RAD51B: variants seen among roughly 807,000 people sequenced by gnomAD.
RAD51B encodes the protein DNA repair protein RAD51 homolog 2.
Under a neutral mutation model 42.2 loss-of-function variants are expected in RAD51B, and 38 were observed. The ratio of observed to expected loss-of-function variants is 0.90; its 90% CI spans 0.70 to 1.18. The LOEUF (loss-of-function observed/expected upper bound fraction) is 1.18, where lower values mean the gene tolerates loss of function less well. RAD51B is among the 50% of genes most tolerant of loss of function. The probability of loss-of-function intolerance (pLI) is 0.00; values close to 1 mark genes in which losing one functional copy is unlikely to be tolerated. For missense variants in RAD51B, 373 were observed against 400.7 expected (o/e 0.93, Z 0.59); for synonymous variants, 154 against 145.2 (o/e 1.06, Z -0.43).
chr14:68,318,642 A>G (rs1229475685), intron 8 of RAD51B, among the ~76,000 whole-genome samples: 1 of 152,182 alleles, frequency 6.6e-6, no homozygotes, highest in African/African-American at 2.4e-5. Flanking sequence ...GGCCTTGTTC[A>G]TGACATGGCG....
At chr14:67,988,477 GAAAT>G (rs888786546) in intron 7 of RAD51B, among the ~76,000 whole-genome samples, 4 of 151,888 alleles carry the variant, frequency 2.6e-5, no homozygotes, top group African/African-American at 9.7e-5. Context: ...AAGAAATAAA[GAAAT>G]AAATAAATAA....
intron 11 of RAD51B, among the ~76,000 whole-genome samples, chr14:68,653,323 G>A (rs541459059): frequency 1.3e-5 from 2 of 152,122 alleles, no homozygotes; most frequent in South Asian, 4.1e-4. Context: ...TGGGAATAGC[G>A]CACTATGAGC....
intron 4 of RAD51B, among the ~76,000 whole-genome samples, chr14:67,846,966 G>A (rs1290411911): frequency 2.0e-5 from 3 of 152,182 alleles, no homozygotes; most frequent in Non-Finnish European, 2.9e-5. Context: ...ACACCCTGGG[G>A]TCGTGGGGTC....
chr14:68,628,122 A>G (rs1892133429), intron 10 of RAD51B, among the ~76,000 whole-genome samples: 1 of 152,214 alleles, frequency 6.6e-6, no homozygotes, highest in Admixed American at 6.5e-5. Context: ...CATCTTCCAA[A>G]TGTCTTGGTT....
At chr14:68,395,643 T>C (rs17105522) in intron 8 of RAD51B, among the ~76,000 whole-genome samples, 3,434 of 152,300 alleles carry the variant, frequency 0.023, 54 homozygotes, top group South Asian at 0.045. Flanking sequence ...CCAGGGCTTC[T>C]GTGGATCTGG....
intron 4 of RAD51B, among the ~76,000 whole-genome samples, chr14:67,845,486 G>C (rs1387011065): frequency 6.6e-6 from 1 of 151,954 alleles, no homozygotes; most frequent in Non-Finnish European, 1.5e-5. Context: ...GGGGCAATAT[G>C]ATGAAACCCT....
chr14:68,509,889 C>CTT (rs1036275135), intron 10 of RAD51B, among the ~76,000 whole-genome samples: 16 of 152,260 alleles, frequency 1.1e-4, no homozygotes, highest in African/African-American at 3.6e-4. Flanking sequence ...CTTACCCCTG[C>CTT]TTTAGCTTAT....
chr14:68,564,093 C>A (rs538873964), intron 10 of RAD51B, among the ~76,000 whole-genome samples: 8 of 152,234 alleles, frequency 5.3e-5, no homozygotes, highest in Admixed American at 5.2e-4. Flanking sequence ...TTGCTCTGCC[C>A]GGTGTTTGGG....
At chr14:68,458,707 TTTATA>T (rs1331959456) in intron 9 of RAD51B, among the ~76,000 whole-genome samples, 1 of 150,050 alleles carries the variant, frequency 6.7e-6, no homozygotes, top group Non-Finnish European at 1.5e-5. Flanking sequence ...TATATTATTA[TTTATA>T]TTATATTTTT....
intron 7 of RAD51B, among the ~76,000 whole-genome samples, chr14:67,900,628 TACAC>T (rs1214068146): frequency 0.011 from 1,354 of 127,892 alleles, 22 homozygotes; most frequent in African/African-American, 0.038. Context: ...GTGTGTGTCA[TACAC>T]ACACACACAC....
At chr14:68,594,889 T>C (rs1179254303) in exon 11 of RAD51B, 2 of 1,097,036 alleles carry the variant, frequency 1.8e-6, no homozygotes, top group Non-Finnish European at 2.2e-6. Context: ...CACCATGGAG[T>C]ACATTTTCTC....
chr14:68,241,873 G>A (rs974802898), intron 7 of RAD51B, among the ~76,000 whole-genome samples: 5 of 152,074 alleles, frequency 3.3e-5, no homozygotes, highest in African/African-American at 1.2e-4. Context: ...GCAACCTTGG[G>A]CCTACACTCA....
At chr14:68,393,726 G>A (rs2083828649) in intron 8 of RAD51B, among the ~76,000 whole-genome samples, 1 of 152,188 alleles carries the variant, frequency 6.6e-6, no homozygotes, top group Non-Finnish European at 1.5e-5. Context: ...GGCAATGGAG[G>A]CCTAGCCCCA....
At chr14:68,431,068 T>G (rs2084991243) in intron 9 of RAD51B, among the ~76,000 whole-genome samples, 1 of 152,244 alleles carries the variant, frequency 6.6e-6, no homozygotes, top group Non-Finnish European at 1.5e-5. Context: ...GATTTTTGTA[T>G]GTTGAACCAG....
intron 10 of RAD51B, among the ~76,000 whole-genome samples, chr14:68,610,254 G>T (rs773843880): frequency 3.9e-5 from 6 of 152,122 alleles, no homozygotes; most frequent in Non-Finnish European, 8.8e-5. Context: ...CTGTCTCCCT[G>T]CATGTCTGGT....
At chr14:67,898,608 A>T (rs1012514873) in intron 7 of RAD51B, among the ~76,000 whole-genome samples, 6 of 152,254 alleles carry the variant, frequency 3.9e-5, no homozygotes, top group African/African-American at 1.2e-4. Context: ...GCACAGGTGG[A>T]AACTTTTAGA....
intron 7 of RAD51B, among the ~76,000 whole-genome samples, chr14:68,133,564 C>T (rs568342745): frequency 3.8e-4 from 58 of 152,168 alleles, no homozygotes; most frequent in African/African-American, 1.3e-3. Flanking sequence ...CTCCACTTCC[C>T]GGGTTCAAGC....
rs376458940 is a variant in RAD51B, at chr14:68,668,664, G to A, written c.*11+17808G>A. ...ATTCTGACTAAGGTAGAGCATAAAG[G>A]AATTATGATCCATGGCTCCCCTCTG... On this transcript the variant is annotated intron_variant, in intron 11 of 11. Transcript: ENST00000488612. 1.4e-4 allele frequency among the ~76,000 whole-genome samples: 21 copies of A among 152,332 alleles called. No homozygotes were observed. The East Asian group carries it at 3.5e-3, about 25-fold the overall frequency.
At chr14:68,673,487 A>T (rs1352399871) in intron 11 of RAD51B, among the ~76,000 whole-genome samples, 2 of 150,674 alleles carry the variant, frequency 1.3e-5, no homozygotes, top group Admixed American at 1.3e-4. Context: ...ACACACATGC[A>T]CATACTGTAC....
Sources: allele counts gnomAD v4.1 joint callset (sites outside exome capture counted in the v4.1 genomes callset), GRCh38; gene constraint gnomAD v4.1.1; transcripts MANE v1.5; gene names NCBI Gene and HGNC (gene_info 2026-07-23, HGNC 2026-07-21).